The following RPL31 variants were observed in gnomAD, a reference collection of about 807,000 sequenced individuals.
The protein encoded by RPL31 is ribosomal protein L31, also known as large ribosomal subunit protein eL31.
For missense variants in RPL31, 95 were observed against 164.0 expected, an observed-to-expected ratio of 0.58 and a Z score of 2.30; for synonymous variants, 51 against 55.0, an observed-to-expected ratio of 0.93 and a Z score of 0.32.
chr2:101,008,446 G>C (rs1451935116), downstream of RPL31, among the ~76,000 whole-genome samples: 1 of 152,150 alleles, frequency 6.6e-6, no homozygotes, highest in Non-Finnish European at 1.5e-5. Context: ...GGTGATTCCT[G>C]GGAATTTCAG....
chr2:101,008,386 G>T, downstream of RPL31: 2 of 847,062 alleles, frequency 2.4e-6, no homozygotes, highest in Middle Eastern at 2.9e-4. Flanking sequence ...TGAAGACACA[G>T]AATATAAGAA....
downstream of RPL31, chr2:101,010,989 C>A: frequency 6.2e-7 from 1 of 1,612,966 alleles, no homozygotes; most frequent in Non-Finnish European, 8.5e-7. Flanking sequence ...AATCCTTAAT[C>A]ATCTGCTTCA....
At chr2:101,007,797 G>T, downstream of RPL31, 1 of 1,604,740 alleles carries the variant, frequency 6.2e-7, no homozygotes, top group Non-Finnish European at 8.5e-7. Context: ...GTGGACTCCA[G>T]TGTGCATAGC....
At chr2:101,011,892 T>C (rs996170703), downstream of RPL31, among the ~76,000 whole-genome samples, 6 of 152,234 alleles carry the variant, frequency 3.9e-5, no homozygotes, top group African/African-American at 7.2e-5. Flanking sequence ...TAAAGTACTC[T>C]AGAAATAAAT....
At chr2:101,002,562 G>T (rs1290209749) in intron 1 of RPL31, 140 bp from the exon 2 acceptor site, 2 of 683,258 alleles carry the variant, frequency 2.9e-6, no homozygotes, top group Admixed American at 2.6e-5. Flanking sequence ...CGGGTGCGTG[G>T]GCCACTGGGT....
At chr2:101,011,940 T>A (rs1679247506), downstream of RPL31, among the ~76,000 whole-genome samples, 1 of 152,240 alleles carries the variant, frequency 6.6e-6, no homozygotes, top group African/African-American at 2.4e-5. Flanking sequence ...TTGGTAATGA[T>A]GTTAAACTTT....
In RPL31 at chr2:101,006,632, T is replaced by C. The variant is rs1420311917; in HGVS notation, c.*251T>C. 4.9e-6 allele frequency: 2 copies of C among 404,176 alleles called. No individual in the cohort carries two copies. The highest frequency in any genetic ancestry group is 2.1e-5 in the African/African-American group (1 of 48,344). The allele number at this position is 404,176 out of a possible 1,614,324, so 25.0% of individuals were successfully genotyped here. A position where few individuals can be genotyped will look rare whatever the true frequency, so the allele number is the denominator to read the frequency against. ...GAAGGCATATTGTTAATTATTCTAC[T>C]TGTATGTTTTGCTAATTCTAAGATA... On this transcript the variant is annotated 3_prime_UTR_variant, in exon 5 of 5. Transcript: ENST00000264258.
chr2:101,019,552 A>G (rs1051157802), exon 5 of RPL31: 1 of 153,116 alleles, frequency 6.5e-6, no homozygotes, highest in South Asian at 2.0e-4. Context: ...TTCAGATACG[A>G]AACATACACT....
chr2:101,008,282 G>T, downstream of RPL31: 1 of 1,513,860 alleles, frequency 6.6e-7, no homozygotes, highest in South Asian at 1.4e-5. Flanking sequence ...CTCTGAAATT[G>T]AAATAAGTCT....
intron 2 of RPL31, among the ~76,000 whole-genome samples, chr2:101,003,011 CATT>C (rs1225844005): frequency 2.0e-5 from 3 of 152,330 alleles, no homozygotes; most frequent in South Asian, 2.1e-4. Flanking sequence ...TGACCGCCCC[CATT>C]ATTCTTTCTT....
At chr2:101,018,151 T>C in intron 4 of RPL31, 3 of 509,774 alleles carry the variant, frequency 5.9e-6, no homozygotes. Context: ...CCCTCATTCA[T>C]ACAGATATTG....
At position 101,002,292 on chromosome 2, in the gene RPL31, C is replaced by T. The variant is rs1032610075; in HGVS notation, c.-24C>T. ...TTCTCCCACAATCCTTCGCGCTCTT[C>T]CTTTCCAACTTGGACGCTGCAGAGT... On this transcript the variant is annotated 5_prime_UTR_variant, in exon 1 of 5. Coordinates refer to ENST00000264258, the MANE Select transcript of RPL31 (RefSeq NM_000993.5). 7 of 166,244 alleles carry T rather than the reference C, an allele frequency of 4.2e-5. No homozygotes were observed. The highest frequency in any genetic ancestry group is 1.7e-4 in the East Asian group (1 of 5,796). 10.3% of individuals were successfully genotyped at this position (166,244 alleles called of 1,614,324 possible). A position where few individuals can be genotyped will look rare whatever the true frequency, so the allele number is the denominator to read the frequency against.
At chr2:101,014,714 A>G (rs1405610830) in intron 4 of RPL31, among the ~76,000 whole-genome samples, 1 of 152,162 alleles carries the variant, frequency 6.6e-6, no homozygotes, top group Non-Finnish European at 1.5e-5. Context: ...ATATCTTGAC[A>G]TATTGGCACG....
At chr2:101,010,812 G>A (rs1268169008), downstream of RPL31, 7 of 759,300 alleles carry the variant, frequency 9.2e-6, no homozygotes, top group Non-Finnish European at 1.5e-5. Flanking sequence ...AACCCTGGAG[G>A]TGGAGGTTGC....
chr2:101,016,678 T>G (rs1679662898), intron 4 of RPL31, among the ~76,000 whole-genome samples: 1 of 152,200 alleles, frequency 6.6e-6, no homozygotes. Context: ...CCAACCCAAA[T>G]GTCCAACAAG....
chr2:101,002,847 G>T (rs1238702924), intron 2 of RPL31, 39 bp downstream of exon 2: 2 of 1,470,344 alleles, frequency 1.4e-6, no homozygotes, highest in Non-Finnish European at 1.9e-6. Context: ...TCGAACTCAC[G>T]CGTCTGGTTG....
rs1361489227 is a variant in RPL31, at chr2:101,002,296, T to TA, written c.-20_-19insA. 3.6e-5 allele frequency: 6 copies of TA among 167,588 alleles called. No homozygotes were observed. In the East Asian group the frequency reaches 1.0e-3, roughly 29 times the overall value. The allele number at this position is 167,588 out of a possible 1,614,324, so 10.4% of individuals were successfully genotyped here. ...CCCACAATCCTTCGCGCTCTTCCTT[T>TA]CCAACTTGGACGCTGCAGAGTGAGT... On this transcript the variant is annotated 5_prime_UTR_variant, in exon 1 of 5. Coordinates refer to ENST00000264258, the MANE Select transcript of RPL31 (RefSeq NM_000993.5).
At chr2:101,007,391 A>G (rs929360524), downstream of RPL31, 1 of 165,608 alleles carries the variant, frequency 6.0e-6, no homozygotes, top group African/African-American at 2.4e-5. Context: ...GCCAAATACA[A>G]TTGCACAGAT....
intron 4 of RPL31, among the ~76,000 whole-genome samples, chr2:101,012,967 C>T (rs1679341690): frequency 6.6e-6 from 1 of 152,152 alleles, no homozygotes; most frequent in South Asian, 2.1e-4. Flanking sequence ...GTGAATGGTA[C>T]CTGGGGCAGT....
Sources: gnomAD v4.1 joint callset for allele counts (sites outside exome capture counted in the v4.1 genomes callset) on GRCh38, gnomAD v4.1.1 for gene constraint, MANE v1.5 for transcripts, NCBI Gene and HGNC (gene_info 2026-07-23, HGNC 2026-07-21) for gene names.